KIF13A: variants seen among roughly 807,000 people sequenced by gnomAD.
KIF13A encodes the protein kinesin-like protein KIF13A.
A neutral mutation model predicts 212.2 loss-of-function variants in KIF13A; 79 were observed. That is an observed-to-expected ratio of 0.37 (90% confidence interval 0.31 to 0.45). The LOEUF is 0.45. Ranked by LOEUF, KIF13A falls within the 20% of genes least tolerant of loss-of-function variation. KIF13A has a pLI of 1.00. For missense variants in KIF13A, 1,901 were observed against 2,209.0 expected (o/e 0.86, Z 2.79); for synonymous variants, 789 against 808.6 (o/e 0.98, Z 0.41).
In KIF13A at chr6:17,811,826, CCT is replaced by C. The variant is rs1369954473; in HGVS notation, c.2001-2898_2001-2897del. On this transcript the variant is annotated intron_variant, in intron 17 of 38. Transcript: ENST00000259711. This position sits in a 1 kb window ranked among gnomAD's most constrained non-coding sequence, Gnocchi z 6.0. ...TCTTCCTTCCTTCCTTCCTTCTCTCCCTCCCTTTTTCTTTCTTTCCTTCTCTC... is the reference window on the plus strand; with the variant it reads ...TCTTCCTTCCTTCCTTCCTTCTCTCCCCCTTTTTCTTTCTTTCCTTCTCTC... Among the ~76,000 whole-genome samples, 3 of 151,480 alleles carry C rather than the reference CCT, an allele frequency of 2.0e-5. No individual in the cohort carries two copies. Among genetic ancestry groups the C allele is most frequent in the African/African-American group, 4.8e-5 (2 of 41,246 alleles).
At chr6:17,795,792 C>T (rs542034231) in intron 23 of KIF13A, among the ~76,000 whole-genome samples, 19 of 152,172 alleles carry the variant, frequency 1.2e-4, no homozygotes, top group Non-Finnish European at 2.6e-4. Context: ...TGAGCACATG[C>T]TTTTAATTTT....
intron 3 of KIF13A, among the ~76,000 whole-genome samples, chr6:17,894,695 C>T (rs753635298): frequency 1.2e-4 from 19 of 152,044 alleles, no homozygotes; most frequent in Admixed American, 2.0e-4. Context: ...CTAAACTTCA[C>T]GGTTTATATT....
chr6:17,906,203 A>C (rs1773483088), intron 2 of KIF13A, among the ~76,000 whole-genome samples: 1 of 152,190 alleles, frequency 6.6e-6, no homozygotes, highest in African/African-American at 2.4e-5. Flanking sequence ...TTCATTCAAG[A>C]GACATGCCAC....
intron 2 of KIF13A, among the ~76,000 whole-genome samples, chr6:17,966,505 A>C (rs1486588014): frequency 2.6e-5 from 4 of 151,036 alleles, no homozygotes; most frequent in Non-Finnish European, 5.9e-5. Flanking sequence ...AAAAAAAAAA[A>C]AAACCCATGA....
At chr6:17,830,236 T>C (rs566177432) in intron 13 of KIF13A, among the ~76,000 whole-genome samples, 128 of 152,340 alleles carry the variant, frequency 8.4e-4, no homozygotes, top group Admixed American at 3.3e-3. Context: ...ACTACTTCAA[T>C]AGAAACATGA....
chr6:17,981,433 T>C (rs904563590), intron 2 of KIF13A, among the ~76,000 whole-genome samples: 14 of 149,620 alleles, frequency 9.4e-5, no homozygotes, highest in Admixed American at 4.6e-4. Context: ...TTTCTTTTTT[T>C]TTTTTTTTTT....
chr6:17,963,321 C>T lies in KIF13A; in HGVS notation c.146+23733G>A, dbSNP rs1465971883. ...TAGTCCCAGCTACTCGGGAGGCTGA[C>T]GCAGGAGAATCACTTGAACCTGGGA... On this transcript the variant is annotated intron_variant, in intron 2 of 38. Transcript: ENST00000259711. This position sits in a 1 kb window ranked among gnomAD's most constrained non-coding sequence, Gnocchi z 4.1. 1.3e-5 allele frequency among the ~76,000 whole-genome samples: 2 copies of T among 151,978 alleles called. No individual in the cohort carries two copies. The highest frequency in any genetic ancestry group is 4.8e-5 in the African/African-American group (2 of 41,380).
At position 17,935,438 on chromosome 6, in the gene KIF13A, G is replaced by A. The variant is rs541751690; in HGVS notation, c.147-37258C>T. Among the ~76,000 whole-genome samples, 4 of 152,176 alleles carry A rather than the reference G, an allele frequency of 2.6e-5. No individual in the cohort carries two copies. In the South Asian group the frequency reaches 6.2e-4, roughly 24 times the overall value. On this transcript the variant is annotated intron_variant, in intron 2 of 38. Coordinates refer to ENST00000259711, the MANE Select transcript of KIF13A (RefSeq NM_022113.6). ...GGAGTGGCTCAGTTCAGAGAAAAAC[G>A]ACACATCCTGCGCTCTCTTGTCTGT...
chr6:17,887,212 C>G (rs1400138875), intron 3 of KIF13A, among the ~76,000 whole-genome samples: 1 of 152,136 alleles, frequency 6.6e-6, no homozygotes, highest in Non-Finnish European at 1.5e-5. Flanking sequence ...TAGCAAGTCC[C>G]AGATAGGGGT....
chr6:17,788,969 T>C (rs1303694334), intron 26 of KIF13A, among the ~76,000 whole-genome samples: 2 of 152,166 alleles, frequency 1.3e-5, no homozygotes, highest in African/African-American at 4.8e-5. Context: ...GTGATCCACC[T>C]GCCTCGGCCT....
rs1202493842 is a variant in KIF13A, at chr6:17,911,684, G to C, written c.147-13504C>G. On this transcript the variant is annotated intron_variant, in intron 2 of 38. Transcript: ENST00000259711. ...TATGGGCCGGGGGTTGTGGCGGGGG[G>C]TGGTTAATGGGTTAAAAAAAAAAAA... 5.5e-5 allele frequency among the ~76,000 whole-genome samples: 7 copies of C among 127,752 alleles called. No individual in the cohort carries two copies. The East Asian group carries it at 1.6e-3, about 30-fold the overall frequency. 83.8% of individuals were successfully genotyped at this position (127,752 alleles called of 152,430 possible). A position where few individuals can be genotyped will look rare whatever the true frequency, so the allele number is the denominator to read the frequency against.
chr6:17,815,461 G>T, intron 17 of KIF13A: 1 of 178,674 alleles, frequency 5.6e-6, no homozygotes, highest in Non-Finnish European at 1.2e-5. Context: ...GCTACTGCTA[G>T]ACCAAGGCCC....
intron 2 of KIF13A, among the ~76,000 whole-genome samples, chr6:17,975,585 G>A (rs193097274): frequency 2.6e-4 from 40 of 152,184 alleles, no homozygotes; most frequent in Non-Finnish European, 7.3e-5. Context: ...ACGCGAACAA[G>A]TTACTGCCGC....
intron 29 of KIF13A, among the ~76,000 whole-genome samples, chr6:17,782,700 C>T (rs903057824): frequency 1.3e-5 from 2 of 151,498 alleles, no homozygotes; most frequent in African/African-American, 4.8e-5. Flanking sequence ...GAGGTCAATT[C>T]CTCCTGTAAA....
intron 2 of KIF13A, among the ~76,000 whole-genome samples, chr6:17,956,623 T>G (rs769859598): frequency 4.6e-5 from 7 of 152,168 alleles, no homozygotes; most frequent in Non-Finnish European, 8.8e-5. Context: ...CCATACCCCT[T>G]GTTACAGTCC....
intron 17 of KIF13A, among the ~76,000 whole-genome samples, chr6:17,810,029 C>T (rs1763297872): frequency 6.6e-6 from 1 of 151,950 alleles, no homozygotes; most frequent in Non-Finnish European, 1.5e-5. Flanking sequence ...GAGTTCAAGA[C>T]CAGCCTGGGC....
In KIF13A at chr6:17,804,351, C is replaced by CTGTGCTTA; in HGVS notation, c.2454+2_2454+9dup. 1.3e-6 allele frequency: 2 copies of CTGTGCTTA among 1,519,682 alleles called. No individual in the cohort carries two copies. Among genetic ancestry groups the CTGTGCTTA allele is most frequent in the Non-Finnish European group, 1.8e-6 (2 of 1,128,782 alleles). 94.1% of individuals were successfully genotyped at this position (1,519,682 alleles called of 1,614,324 possible). A position where few individuals can be genotyped will look rare whatever the true frequency, so the allele number is the denominator to read the frequency against. On this transcript the variant is annotated intron_variant, in intron 20 of 38. Coordinates refer to ENST00000259711, the MANE Select transcript of KIF13A (RefSeq NM_022113.6). The stretch of plus-strand genomic sequence containing the variant: ...ACCACCATCGTTCTCCAAGGCTGGC[C>CTGTGCTTA]TGTGCTTACCTCCCCCTGCTGGCTG...
In KIF13A at chr6:17,898,045, TTTAAA is replaced by T; in HGVS notation, c.159+118_159+122del. ...GATATTAATTGTTCATGATGTGAGT[TTTAAA>T]TTAGGATGCTGTTTTCAGTTCTCAA... On this transcript the variant is annotated intron_variant, in intron 3 of 38. Coordinates refer to ENST00000259711, the MANE Select transcript of KIF13A (RefSeq NM_022113.6). This position sits in a 1 kb window ranked among gnomAD's most constrained non-coding sequence, Gnocchi z 5.2. The T allele has an allele frequency of 1.2e-6, 1 of 858,654 alleles. No homozygotes were observed. The highest frequency in any genetic ancestry group is 1.8e-6 in the Non-Finnish European group (1 of 550,600). The allele number at this position is 858,654 out of a possible 1,614,324, so 53.2% of individuals were successfully genotyped here. A position where few individuals can be genotyped will look rare whatever the true frequency, so the allele number is the denominator to read the frequency against.
At position 17,771,156 on chromosome 6, in the gene KIF13A, G is replaced by A. The variant is rs1759460349; in HGVS notation, c.4539C>T (p.Ser1513=). ...GCIVPSGSNG[S]SMPVEHNSKR... ...TGCTATTGTGTTCTACTGGCATGCT[G>A]CTGCCATTGCTTCCTGAGGGTACAA... The change falls in exon 38 of 39, where the codon AGC becomes AGT. Residue 1513 remains serine, a synonymous_variant. Transcript: ENST00000259711. This position sits in a 1 kb window ranked among gnomAD's most constrained non-coding sequence, Gnocchi z 5.4. The A allele has an allele frequency of 4.3e-6, 7 of 1,613,240 alleles. No homozygotes were observed. The highest frequency in any genetic ancestry group is 1.1e-5 in the South Asian group (1 of 90,914).
Sources: gnomAD v4.1 joint callset for allele counts (sites outside exome capture counted in the v4.1 genomes callset) on GRCh38, gnomAD v4.1.1 for gene constraint, Gnocchi (gnomAD v3.1) non-coding constraint, MANE v1.5 for transcripts, NCBI Gene and HGNC (gene_info 2026-07-23, HGNC 2026-07-21) for gene names.